Variants in ACAA2 observed in about 807,000 individuals in gnomAD.
ACAA2 encodes the protein 3-ketoacyl-CoA thiolase, mitochondrial.
ACAA2 carries 35 observed loss-of-function variants against 44.8 expected under a neutral mutation model. The ratio of observed to expected loss-of-function variants is 0.78; its 90% CI spans 0.60 to 1.04. The LOEUF is 1.04. Among genes scored for constraint, ACAA2 ranks in the 50% least tolerant of loss-of-function variants. The probability of loss-of-function intolerance (pLI) is 0.00; values close to 1 mark genes in which losing one functional copy is unlikely to be tolerated. For synonymous variants in ACAA2, 142 were observed against 166.5 expected (o/e 0.85, Z 1.13); for missense variants, 468 against 482.6 (o/e 0.97, Z 0.28).
chr18:49,797,683 T>C, intron 2 of ACAA2, 89 bp from the exon 3 acceptor site: 1 of 1,135,880 alleles, frequency 8.8e-7, no homozygotes, highest in Non-Finnish European at 1.2e-6. Flanking sequence ...GTTGGCAATC[T>C]ATCAAAAATG....
At chr18:49,801,029 G>A (rs1033947775) in intron 2 of ACAA2, among the ~76,000 whole-genome samples, 6 of 151,978 alleles carry the variant, frequency 3.9e-5, no homozygotes, top group African/African-American at 1.2e-4. Context: ...TCTAGCCAGG[G>A]CAATTAGGGA....
intron 1 of ACAA2, among the ~76,000 whole-genome samples, 182 bp downstream of exon 1, chr18:49,813,287 T>A (rs1598806022): frequency 6.6e-6 from 1 of 152,120 alleles, no homozygotes; most frequent in Non-Finnish European, 1.5e-5. Flanking sequence ...CAAGTAAGGG[T>A]TTTCTCCTTA....
intron 1 of ACAA2, among the ~76,000 whole-genome samples, chr18:49,803,278 TAA>T (rs1242752537): frequency 9.4e-5 from 14 of 148,884 alleles, no homozygotes; most frequent in Middle Eastern, 3.6e-3. Flanking sequence ...ATAATAATAA[TAA>T]TATCAATCCC....
Position 49,785,733 on chromosome 18 carries a change from C to T in ACAA2, c.955-382G>A, listed in dbSNP as rs373405123. ...TAAACTCTTTAAATTCACGTTTCCG[C>T]GTGTGAAAATGTGACTGTGGTATCA... On this transcript the variant is annotated intron_variant, in intron 8 of 9. Coordinates refer to ENST00000285093, the MANE Select transcript of ACAA2 (RefSeq NM_006111.3). 5.9e-5 allele frequency: 12 copies of T among 202,468 alleles called. No homozygotes were observed. The East Asian group carries it at 8.1e-4, about 14-fold the overall frequency. The allele number at this position is 202,468 out of a possible 1,614,324, so 12.5% of individuals were successfully genotyped here.
At position 49,783,761 on chromosome 18, in the gene ACAA2, T is replaced by C. The variant is rs761005503; in HGVS notation, c.*86A>G. On this transcript the variant is annotated 3_prime_UTR_variant, in exon 10 of 10. Coordinates refer to ENST00000285093, the MANE Select transcript of ACAA2 (RefSeq NM_006111.3). ...GTTTCAATGGCAGGGCATGGCCAGT[T>C]GTGGCAGCTGCTCTGAAGGTCACTT... is the stretch of plus-strand genomic sequence containing the variant. 3 of 1,104,828 alleles carry C rather than the reference T, an allele frequency of 2.7e-6. No homozygotes were observed. Among genetic ancestry groups the C allele is most frequent in the Non-Finnish European group, 4.1e-6 (3 of 735,814 alleles). 68.4% of individuals were successfully genotyped at this position (1,104,828 alleles called of 1,614,324 possible).
intron 1 of ACAA2, among the ~76,000 whole-genome samples, chr18:49,808,525 A>G (rs1337629369): frequency 6.6e-6 from 1 of 152,184 alleles, no homozygotes; most frequent in African/African-American, 2.4e-5. Context: ...TGAGAAACAG[A>G]AAGAGTACAA....
chr18:49,785,144 T>G, intron 9 of ACAA2, 53 bp downstream of exon 9: 1 of 1,591,130 alleles, frequency 6.3e-7, no homozygotes, highest in South Asian at 1.1e-5. Flanking sequence ...CCTAAATCCA[T>G]GCATTTCTAT....
At position 49,802,689 on chromosome 18, in the gene ACAA2, G is replaced by C. The variant is rs377336328; in HGVS notation, c.181C>G (p.Gln61Glu). The part of the protein sequence containing the change: ...VDSVIMGNVL[Q>E]SSSDAIYLAR... ...ACACCTTCCTTTACTCTACTAACCT[G>C]CAGGACATTGCCCATAATCACACTG... The change falls in exon 2 of 10, where the codon CAG becomes GAG. Residue 61 changes from glutamine (Q) to glutamate (E), a missense_variant and splice_region_variant. Gln to Glu is a conservative substitution (Grantham distance 29). Transcript: ENST00000285093. 1.2e-6 allele frequency: 2 copies of C among 1,613,442 alleles called. No homozygotes were observed. The highest frequency in any genetic ancestry group is 1.7e-6 in the Non-Finnish European group (2 of 1,179,784).
At position 49,785,283 on chromosome 18, in the gene ACAA2, G is replaced by A. The variant is rs2023315022; in HGVS notation, c.1023C>T (p.Thr341=). ...AAGCAATGGCTCCTCCATTCACATTGGTTTTACTTATGTCAAGATCCAAAC... is the reference window on the plus strand; with the variant it reads ...AAGCAATGGCTCCTCCATTCACATTAGTTTTACTTATGTCAAGATCCAAAC... ...ERSLDLDISK[T]NVNGGAIALG... is the part of the protein sequence containing the mutation. Residue 341 remains threonine, a synonymous_variant, in exon 9 of 10, where the codon ACC becomes ACT. Coordinates refer to ENST00000285093, the MANE Select transcript of ACAA2 (RefSeq NM_006111.3). 6.2e-7 allele frequency: 1 copy of A among 1,614,070 alleles called. No homozygotes were observed. The highest frequency in any genetic ancestry group is 8.5e-7 in the Non-Finnish European group (1 of 1,179,948).
At chr18:49,797,334 A>C in intron 3 of ACAA2, 132 bp downstream of exon 3, 1 of 633,640 alleles carries the variant, frequency 1.6e-6, no homozygotes, top group Non-Finnish European at 2.5e-6. Flanking sequence ...GTGCAGTGGT[A>C]TGATCATGGT....
intron 3 of ACAA2, among the ~76,000 whole-genome samples, chr18:49,797,171 T>C (rs1283276867): frequency 6.6e-6 from 1 of 152,156 alleles, no homozygotes; most frequent in Non-Finnish European, 1.5e-5. Context: ...TCTGTCTCTA[T>C]GAATTTGACT....
At position 49,783,444 on chromosome 18, in the gene ACAA2, A is replaced by G. The variant is rs899304607; in HGVS notation, c.*403T>C. On this transcript the variant is annotated 3_prime_UTR_variant, in exon 10 of 10. Coordinates refer to ENST00000285093, the MANE Select transcript of ACAA2 (RefSeq NM_006111.3). ...AGGGTTAAGATGGTAAAGTTTATGT[A>G]ATGTGTATCTTATCACAATTTAAAA... 6.2e-6 allele frequency: 1 copy of G among 160,726 alleles called. No homozygotes were observed. Among genetic ancestry groups the G allele is most frequent in the African/African-American group, 2.4e-5 (1 of 41,696 alleles). 10.0% of individuals were successfully genotyped at this position (160,726 alleles called of 1,614,324 possible). A position where few individuals can be genotyped will look rare whatever the true frequency, so the allele number is the denominator to read the frequency against.
chr18:49,783,487 G>A lies in ACAA2; in HGVS notation c.*360C>T, dbSNP rs2023289608. 1 of 171,264 alleles carries A rather than the reference G, an allele frequency of 5.8e-6. No individual in the cohort carries two copies. The highest frequency in any genetic ancestry group is 5.8e-5 in the Admixed American group (1 of 17,264). 10.6% of individuals were successfully genotyped at this position (171,264 alleles called of 1,614,324 possible). ...ATTTAAAATTTTTAAAAATATAAAT[G>A]ACAGGAAAATATTAACTGAAGTTAA... On this transcript the variant is annotated 3_prime_UTR_variant, in exon 10 of 10. Transcript: ENST00000285093.
rs555265649 is a variant in ACAA2 at position 49,792,436 on chromosome 18, TTTAATA to T, written c.578-115_578-110del. 7.5e-4 allele frequency: 756 copies of T among 1,003,318 alleles called. 4 individuals are homozygous for T. The African/African-American group carries it at 0.011, about 15-fold the overall frequency. The allele number at this position is 1,003,318 out of a possible 1,614,324, so 62.2% of individuals were successfully genotyped here. On this transcript the variant is annotated intron_variant, in intron 5 of 9. Coordinates refer to ENST00000285093, the MANE Select transcript of ACAA2 (RefSeq NM_006111.3). Reference sequence around the variant, plus strand: ...GATCTACCTTTTCCTCACAGTCTACTTTAATATTGAGTCTTTATTAATTTTTGAGAT... The same window carrying T: ...GATCTACCTTTTCCTCACAGTCTACTTTGAGTCTTTATTAATTTTTGAGAT...
intron 6 of ACAA2, 43 bp downstream of exon 6, chr18:49,792,109 C>T (rs763089780): frequency 1.3e-6 from 2 of 1,526,380 alleles, no homozygotes; most frequent in African/African-American, 2.8e-5. Flanking sequence ...TTTTGTTGAA[C>T]ACACCAGGAA....
chr18:49,791,615 A>T lies in ACAA2; in HGVS notation c.754-16T>A. On this transcript the variant is annotated splice_polypyrimidine_tract_variant and intron_variant, in intron 6 of 9. Coordinates refer to ENST00000285093, the MANE Select transcript of ACAA2 (RefSeq NM_006111.3). ...CAGCTACACCCTTGAAAATAAAAAT[A>T]CTAGATTAACTAAAGGCTAAAATAA... is the stretch of plus-strand genomic sequence containing the variant. 2 of 1,610,956 alleles carry T rather than the reference A, an allele frequency of 1.2e-6. No individual in the cohort carries two copies. Among genetic ancestry groups the T allele is most frequent in the Non-Finnish European group, 1.7e-6 (2 of 1,178,270 alleles).
intron 2 of ACAA2, among the ~76,000 whole-genome samples, chr18:49,799,042 C>T (rs2023497489): frequency 6.6e-6 from 1 of 152,112 alleles, no homozygotes; most frequent in Non-Finnish European, 1.5e-5. Flanking sequence ...ATGAGTTTTA[C>T]TTATTTCTTA....
At chr18:49,784,116 CA>C (rs75478873) in intron 9 of ACAA2, among the ~76,000 whole-genome samples, 185 bp from the exon 10 acceptor site, 1 of 150,820 alleles carries the variant, frequency 6.6e-6, no homozygotes, top group African/African-American at 2.4e-5. Context: ...AGTTTTTAAT[CA>C]AAAAAAACAA....
intron 1 of ACAA2, chr18:49,812,802 G>C (rs1347006998): frequency 6.6e-6 from 1 of 152,200 alleles, no homozygotes. Flanking sequence ...TCCTGTCTCA[G>C]GGCCTCGATA....
Sources: gnomAD v4.1 joint callset for allele counts (sites outside exome capture counted in the v4.1 genomes callset) on GRCh38, gnomAD v4.1.1 for gene constraint, MANE v1.5 for transcripts, NCBI Gene and HGNC (gene_info 2026-07-23, HGNC 2026-07-21) for gene names.